The following CEP57L1 variants were observed in gnomAD, a reference collection of about 807,000 sequenced individuals.
The protein encoded by CEP57L1 is centrosomal protein 57 like 1.
In CEP57L1, 37 loss-of-function variants were observed where a neutral mutation model predicts 61.0. That is an observed-to-expected ratio of 0.61 (90% CI 0.47 to 0.80). The LOEUF (loss-of-function observed/expected upper bound fraction) is 0.80, where lower values mean the gene tolerates loss of function less well. Ranked by LOEUF, CEP57L1 falls within the 30% of genes least tolerant of loss-of-function variation. The probability of loss-of-function intolerance (pLI) is 0.00; values close to 1 mark genes in which losing one functional copy is unlikely to be tolerated. For synonymous variants in CEP57L1, 137 were observed against 162.3 expected (o/e 0.84, Z 1.19); for missense variants, 422 against 524.7 (o/e 0.80, Z 1.91).
At chr6:109,155,400 A>G in intron 6 of CEP57L1, 93 bp downstream of exon 6, 1 of 658,420 alleles carries the variant, frequency 1.5e-6, no homozygotes, top group Non-Finnish European at 2.4e-6. Context: ...TCTAGATTCT[A>G]ATTTCTGCTT....
intron 1 of CEP57L1, among the ~76,000 whole-genome samples, chr6:109,139,233 A>T (rs1771076083): frequency 6.6e-6 from 1 of 152,208 alleles, no homozygotes; most frequent in African/African-American, 2.4e-5. Context: ...GGAGCTGGAC[A>T]GTGTGAGATT....
chr6:109,102,769 T>C (rs958577178), intron 1 of CEP57L1, among the ~76,000 whole-genome samples: 4 of 152,224 alleles, frequency 2.6e-5, no homozygotes, highest in Non-Finnish European at 5.9e-5. Flanking sequence ...AAACTTTTTT[T>C]TAAAGACCAT....
At chr6:109,152,383 T>C (rs1772712750) in intron 4 of CEP57L1, among the ~76,000 whole-genome samples, 1 of 152,076 alleles carries the variant, frequency 6.6e-6, no homozygotes. Flanking sequence ...GGTTTTGCCA[T>C]GTTGGGGCAG....
intron 1 of CEP57L1, among the ~76,000 whole-genome samples, chr6:109,112,798 G>A (rs1256088321): frequency 6.6e-6 from 1 of 152,160 alleles, no homozygotes; most frequent in African/African-American, 2.4e-5. Context: ...AGGTTATTCA[G>A]TTTCCATGTA....
At chr6:109,106,653 G>A (rs1029265434) in intron 1 of CEP57L1, among the ~76,000 whole-genome samples, 3 of 152,102 alleles carry the variant, frequency 2.0e-5, no homozygotes, top group African/African-American at 7.2e-5. Context: ...TCAAGACCAG[G>A]CATGATAGCT....
chr6:109,167,254 A>C lies in CEP57L1; in HGVS notation c.*4284A>C, dbSNP rs1774167911. Among the ~76,000 whole-genome samples, 1 of 152,132 alleles carries C rather than the reference A, an allele frequency of 6.6e-6. No homozygotes were observed. Among genetic ancestry groups the C allele is most frequent in the Non-Finnish European group, 1.5e-5 (1 of 68,030 alleles). ...TTAGACATAGAAAAATTATAAATTT[A>C]AGCCTTAAAATAATGTCTGGGCCAG... is the stretch of plus-strand genomic sequence containing the variant. On this transcript the variant is annotated 3_prime_UTR_variant, in exon 11 of 11. Transcript: ENST00000517392.
At chr6:109,158,863 C>T (rs941842883) in intron 7 of CEP57L1, 162 bp from the exon 8 acceptor site, 9 of 650,988 alleles carry the variant, frequency 1.4e-5, no homozygotes, top group African/African-American at 3.7e-5. Context: ...AATATCTTTT[C>T]GTATGTTTGT....
intron 1 of CEP57L1, among the ~76,000 whole-genome samples, chr6:109,109,588 C>T (rs929750762): frequency 4.6e-5 from 7 of 152,182 alleles, no homozygotes; most frequent in Middle Eastern, 3.4e-3. Context: ...ATATGCAGAA[C>T]GTGCAGGTTT....
In CEP57L1 at chr6:109,117,925, G is replaced by A. The variant is rs569173006; in HGVS notation, c.-4+22350G>A. On this transcript the variant is annotated intron_variant, in intron 1 of 10. Coordinates refer to ENST00000517392, the MANE Select transcript of CEP57L1 (RefSeq NM_001271852.3). ...AGGCCCTCAGCACTTTCAGCATTTG[G>A]CATAGTGAGATGTAAGTTAAATAAG... Among the ~76,000 whole-genome samples, 69 of 152,270 alleles carry A rather than the reference G, an allele frequency of 4.5e-4. No individual in the cohort carries two copies. In the South Asian group the frequency reaches 0.014, roughly 32 times the overall value.
chr6:109,140,161 C>G lies in CEP57L1; in HGVS notation c.-3-5058C>G, dbSNP rs112225303. Among the ~76,000 whole-genome samples the G allele has an allele frequency of 4.7e-3, 717 of 152,090 alleles. 2 individuals carry two copies. Among genetic ancestry groups the G allele is most frequent in the African/African-American group, 0.015 (604 of 41,484 alleles). ...AGGCTGGAGTGCAGTGACTTGATCT[C>G]GGCTCACTGCAACCTCCGCCTTCCG... On this transcript the variant is annotated intron_variant, in intron 1 of 10. Transcript: ENST00000517392.
intron 1 of CEP57L1, among the ~76,000 whole-genome samples, chr6:109,107,302 A>C (rs1343792412): frequency 6.6e-6 from 1 of 151,790 alleles, no homozygotes; most frequent in Admixed American, 6.6e-5. Context: ...TTTTCTTTTG[A>C]GCTTGGCTAT....
At chr6:109,122,132 A>G (rs1356604744) in intron 1 of CEP57L1, among the ~76,000 whole-genome samples, 2 of 152,176 alleles carry the variant, frequency 1.3e-5, no homozygotes, top group East Asian at 1.9e-4. Flanking sequence ...TATTTGCACT[A>G]CTACCAATCT....
At chr6:109,114,498 A>T (rs1254992914) in intron 1 of CEP57L1, among the ~76,000 whole-genome samples, 1 of 143,500 alleles carries the variant, frequency 7.0e-6, no homozygotes, top group Non-Finnish European at 1.5e-5. Context: ...TTTAGCCTTT[A>T]AAAAAAAAAA....
In CEP57L1 at chr6:109,162,818, A is replaced by G. The variant is rs756266881; in HGVS notation, c.1231A>G (p.Ser411Gly). Residue 411 changes from serine to glycine, a missense_variant, in exon 11 of 11, where the codon AGC becomes GGC. By Grantham distance (56) the Ser-to-Gly change is moderately conservative. Transcript: ENST00000517392. ...SEASGIQQED[S>G]YPKGSKNIKN... ...AGCTTCAGGTATTCAGCAAGAAGAC[A>G]GCTACCCTAAAGGATCAAAGAACAT... is the stretch of plus-strand genomic sequence containing the variant. 6.2e-7 allele frequency: 1 copy of G among 1,613,384 alleles called. No homozygotes were observed. Among genetic ancestry groups the G allele is most frequent in the African/African-American group, 1.3e-5 (1 of 74,900 alleles).
chr6:109,154,000 C>T (rs1355459754), intron 5 of CEP57L1, 51 bp downstream of exon 5: 1 of 941,912 alleles, frequency 1.1e-6, no homozygotes, highest in Admixed American at 2.3e-5. Context: ...TAGTGTTAAG[C>T]ATAATTGGTA....
At position 109,172,218 on chromosome 6, in the gene CEP57L1, G is replaced by T. The variant is rs1277581046; in HGVS notation, c.*9248G>T. On this transcript the variant is annotated 3_prime_UTR_variant, in exon 11 of 11. Coordinates refer to ENST00000517392, the MANE Select transcript of CEP57L1 (RefSeq NM_001271852.3). ...AGACCATAATTCTCTCAGCAACAAT[G>T]TGTGACAACATTCTTGGAGAATTGC... Among the ~76,000 whole-genome samples, 1 of 152,062 alleles carries T rather than the reference G, an allele frequency of 6.6e-6. No individual in the cohort carries two copies. The highest frequency in any genetic ancestry group is 1.9e-4 in the East Asian group (1 of 5,198).
In CEP57L1 at chr6:109,171,099, C is replaced by CT. The variant is rs1774380240; in HGVS notation, c.*8129_*8130insT. 6.8e-6 allele frequency among the ~76,000 whole-genome samples: 1 copy of CT among 147,608 alleles called. No individual in the cohort carries two copies. The highest frequency in any genetic ancestry group is 2.6e-5 in the African/African-American group (1 of 38,836). On this transcript the variant is annotated 3_prime_UTR_variant, in exon 11 of 11. Coordinates refer to ENST00000517392, the MANE Select transcript of CEP57L1 (RefSeq NM_001271852.3). ...TGGACACTTAAGCCAAAATTTCAAA[C>CT]AGGTTCTTTTTTCTTTGTTCTTTTA...
intron 10 of CEP57L1, among the ~76,000 whole-genome samples, chr6:109,161,186 T>G (rs1242733483): frequency 6.6e-6 from 1 of 152,104 alleles, no homozygotes; most frequent in East Asian, 1.9e-4. Flanking sequence ...TTATGTTCCA[T>G]TCCCTGGGGT....
intron 1 of CEP57L1, among the ~76,000 whole-genome samples, chr6:109,116,334 C>T (rs1022620825): frequency 9.2e-5 from 14 of 152,012 alleles, no homozygotes; most frequent in African/African-American, 2.7e-4. Flanking sequence ...TATGCCACCA[C>T]GCCCACCTAA....
Sources: allele counts gnomAD v4.1 joint callset (sites outside exome capture counted in the v4.1 genomes callset), GRCh38; gene constraint gnomAD v4.1.1; transcripts MANE v1.5; gene names NCBI Gene and HGNC (gene_info 2026-07-23, HGNC 2026-07-21).